Variants in TECPR2 observed in about 807,000 individuals in gnomAD.
TECPR2 encodes the protein tectonin beta-propeller repeat-containing protein 2.
In TECPR2, 65 loss-of-function variants were observed where a neutral mutation model predicts 138.1. The observed-to-expected ratio is 0.47, with a 90% confidence interval of 0.39 to 0.58. The LOEUF is 0.58. Among genes scored for constraint, TECPR2 ranks in the 20% least tolerant of loss-of-function variants. TECPR2 has a pLI of 0.00. For missense variants in TECPR2, 1,553 were observed against 1,824.5 expected, an observed-to-expected ratio of 0.85 and a Z score of 2.71; for synonymous variants, 746 against 749.8, an observed-to-expected ratio of 0.99 and a Z score of 0.08.
At position 102,376,928 on chromosome 14, in the gene TECPR2, G is replaced by A. The variant is rs1887655277; in HGVS notation, c.207G>A (p.Lys69=). The A allele has an allele frequency of 1.2e-6, 2 of 1,613,458 alleles. No homozygotes were observed. The highest frequency in any genetic ancestry group is 1.1e-5 in the South Asian group (1 of 90,994). ...LYCRHLNQMR[K]YNFEGKTESI... is the part of the protein sequence containing the mutation. Reference sequence around the variant, plus strand: ...GCCGGCACCTCAACCAGATGAGGAAGTACAACTTTGAGGTGAGCCTTGCTT... The same window carrying A: ...GCCGGCACCTCAACCAGATGAGGAAATACAACTTTGAGGTGAGCCTTGCTT... The change falls in exon 2 of 20, where the codon AAG becomes AAA. Residue 69 remains lysine (K), a synonymous_variant. Coordinates refer to ENST00000359520, the MANE Select transcript of TECPR2 (RefSeq NM_014844.5).
intron 5 of TECPR2, among the ~76,000 whole-genome samples, chr14:102,423,889 A>T (rs1889247226): frequency 2.0e-5 from 3 of 152,208 alleles, no homozygotes; most frequent in Non-Finnish European, 4.4e-5. Flanking sequence ...TTCATTCAGG[A>T]TGTGGACTGA....
At chr14:102,377,247 C>G (rs1467751462) in intron 2 of TECPR2, among the ~76,000 whole-genome samples, 1 of 152,176 alleles carries the variant, frequency 6.6e-6, no homozygotes, top group Non-Finnish European at 1.5e-5. Context: ...CCTCAAACTC[C>G]TGGGGTCAAG....
chr14:102,367,561 C>T (rs1366653999), intron 1 of TECPR2, among the ~76,000 whole-genome samples: 4 of 152,118 alleles, frequency 2.6e-5, no homozygotes, highest in Admixed American at 1.3e-4. Flanking sequence ...AGGATTCCTC[C>T]GTGTTGTAGC....
At chr14:102,437,753 T>TA (rs1595125696) in intron 9 of TECPR2, among the ~76,000 whole-genome samples, 1 of 152,134 alleles carries the variant, frequency 6.6e-6, no homozygotes, top group Admixed American at 6.5e-5. Context: ...CTCTAAGCGT[T>TA]ACATTTGCAA....
intron 2 of TECPR2, among the ~76,000 whole-genome samples, chr14:102,396,914 C>T (rs912296433): frequency 1.3e-5 from 2 of 152,172 alleles, no homozygotes; most frequent in African/African-American, 2.4e-5. Flanking sequence ...TGGCCATTGT[C>T]GTTACACCTC....
intron 17 of TECPR2, among the ~76,000 whole-genome samples, chr14:102,490,526 C>T (rs1054355222): frequency 2.0e-5 from 3 of 152,230 alleles, no homozygotes; most frequent in African/African-American, 4.8e-5. Flanking sequence ...GTTGAAACCT[C>T]GGTGTATTTT....
chr14:102,477,448 T>C (rs1308638534), intron 17 of TECPR2, among the ~76,000 whole-genome samples: 1 of 150,120 alleles, frequency 6.7e-6, no homozygotes, highest in Non-Finnish European at 1.5e-5. Context: ...AAAGGGGAGG[T>C]GTGGCAGTGG....
At chr14:102,380,801 C>T (rs184205396) in intron 2 of TECPR2, among the ~76,000 whole-genome samples, 141 of 152,286 alleles carry the variant, frequency 9.3e-4, no homozygotes, top group African/African-American at 3.4e-3. Flanking sequence ...GCCTCAGCCT[C>T]CCAAGTAGCT....
chr14:102,475,683 A>G (rs1192686016), intron 17 of TECPR2, among the ~76,000 whole-genome samples: 1 of 152,150 alleles, frequency 6.6e-6, no homozygotes, highest in Non-Finnish European at 1.5e-5. Context: ...AAAATATCCA[A>G]CATCAGCAAG....
At position 102,499,608 on chromosome 14, in the gene TECPR2, G is replaced by A. The variant is rs561559942; in HGVS notation, c.*1351G>A. 8 of 241,792 alleles carry A rather than the reference G, an allele frequency of 3.3e-5. No homozygotes were observed. The East Asian group carries it at 8.2e-4, about 25-fold the overall frequency. 15.0% of individuals were successfully genotyped at this position (241,792 alleles called of 1,614,324 possible). A position where few individuals can be genotyped will look rare whatever the true frequency, so the allele number is the denominator to read the frequency against. ...GGTTGAAACCAGTGCCTCTATGGAC[G>A]GCTGCTGTGGCCCCTTCAGACAATG... is the stretch of plus-strand genomic sequence containing the variant. On this transcript the variant is annotated 3_prime_UTR_variant, in exon 20 of 20. Coordinates refer to ENST00000359520, the MANE Select transcript of TECPR2 (RefSeq NM_014844.5).
chr14:102,498,421 C>A lies in TECPR2; in HGVS notation c.*164C>A. The A allele has an allele frequency of 2.2e-6, 2 of 921,494 alleles. No individual in the cohort carries two copies. The highest frequency in any genetic ancestry group is 3.2e-6 in the Non-Finnish European group (2 of 630,268). 57.1% of individuals were successfully genotyped at this position (921,494 alleles called of 1,614,324 possible). On this transcript the variant is annotated 3_prime_UTR_variant, in exon 20 of 20. Transcript: ENST00000359520. The stretch of plus-strand genomic sequence containing the variant: ...CATCTATGTTGGTTTCTGTCTCGTT[C>A]CAGAACCCACAGCCTCCACCCGTGG...
intron 2 of TECPR2, among the ~76,000 whole-genome samples, chr14:102,379,269 C>T (rs568348364): frequency 2.0e-5 from 3 of 151,726 alleles, no homozygotes; most frequent in Non-Finnish European, 1.5e-5. Context: ...TGCACAGAGG[C>T]GTCCTAGTCA....
At position 102,435,151 on chromosome 14, in the gene TECPR2, C is replaced by T; in HGVS notation, c.2334C>T (p.Cys778=). 1 of 1,613,274 alleles carries T rather than the reference C, an allele frequency of 6.2e-7. No individual in the cohort carries two copies. Among genetic ancestry groups the T allele is most frequent in the Non-Finnish European group, 8.5e-7 (1 of 1,180,032 alleles). The change falls in exon 9 of 20, where the codon TGC becomes TGT. Residue 778 remains cysteine (C), a synonymous_variant. Coordinates refer to ENST00000359520, the MANE Select transcript of TECPR2 (RefSeq NM_014844.5). ...GTGTGACAGAGCTCGGACCTAGTTG[C>T]TCCCAGCAGGACCTGAGCCGGCTGG... ...ETSVTELGPS[C]SQQDLSRLGA... is the part of the protein sequence containing the mutation.
At chr14:102,489,969 TCAGTGCCTCCACTAAA>T (rs1891119074) in intron 17 of TECPR2, among the ~76,000 whole-genome samples, 1 of 151,368 alleles carries the variant, frequency 6.6e-6, no homozygotes, top group Admixed American at 6.6e-5. Context: ...GGCACTTACA[TCAGTGCCTCCACTAAA>T]AATAAAGCAA....
intron 17 of TECPR2, 32 bp downstream of exon 17, chr14:102,465,321 T>G (rs1225593324): frequency 6.2e-7 from 1 of 1,609,840 alleles, no homozygotes; most frequent in South Asian, 1.1e-5. Flanking sequence ...GAACTCACTC[T>G]TCAGTAAGAC....
intron 4 of TECPR2, among the ~76,000 whole-genome samples, chr14:102,411,699 CAAAAAAAAAAAA>C (rs1173849759): frequency 3.2e-4 from 15 of 46,858 alleles, no homozygotes; most frequent in South Asian, 1.2e-3. Flanking sequence ...CCATGTTGCT[CAAAAAAAAAAAA>C]AAAAAAAAAA....
chr14:102,443,720 C>T lies in TECPR2; in HGVS notation c.2826C>T (p.Ala942=). The T allele has an allele frequency of 6.2e-7, 1 of 1,613,090 alleles. No homozygotes were observed. Among genetic ancestry groups the T allele is most frequent in the Non-Finnish European group, 8.5e-7 (1 of 1,179,280 alleles). The change falls in exon 12 of 20, where the codon GCC becomes GCT. Residue 942 remains alanine, a synonymous_variant. Coordinates refer to ENST00000359520, the MANE Select transcript of TECPR2 (RefSeq NM_014844.5). This position sits in a 1 kb window ranked among gnomAD's most constrained non-coding sequence, Gnocchi z 4.9. ...CCTACCCGCTGTCCCAGATCACAGC[C>T]CGGAACAATGTGGTGTGGGCGCTGA... ...DCPYPLSQIT[A]RNNVVWALTE...
Position 102,502,158 on chromosome 14 carries a change from C to CGCGCCAGCGTGAAGTTCCCGG in TECPR2, c.*3904_*3924dup, listed in dbSNP as rs2139808603. ...AGGAAGCGGAGGCGCAGGACCTCACCGCGCCAGCGTGAAGTTCCCGGGCAT... is the reference window on the plus strand; with the variant it reads ...AGGAAGCGGAGGCGCAGGACCTCACCGCGCCAGCGTGAAGTTCCCGGGCGCCAGCGTGAAGTTCCCGGGCAT... On this transcript the variant is annotated 3_prime_UTR_variant, in exon 20 of 20. Coordinates refer to ENST00000359520, the MANE Select transcript of TECPR2 (RefSeq NM_014844.5). The CGCGCCAGCGTGAAGTTCCCGG allele has an allele frequency of 6.6e-6, 1 of 151,738 alleles. No individual in the cohort carries two copies. Among genetic ancestry groups the CGCGCCAGCGTGAAGTTCCCGG allele is most frequent in the South Asian group, 2.1e-4 (1 of 4,804 alleles). The allele number at this position is 151,738 out of a possible 1,614,324, so 9.4% of individuals were successfully genotyped here.
intron 4 of TECPR2, 75 bp from the exon 5 acceptor site, chr14:102,414,561 C>T: frequency 6.4e-7 from 1 of 1,562,078 alleles, no homozygotes; most frequent in Non-Finnish European, 8.7e-7. Flanking sequence ...GCGGGAAGGA[C>T]ACTGACTTGT....
Sources: gnomAD v4.1 joint callset for allele counts (sites outside exome capture counted in the v4.1 genomes callset) on GRCh38, gnomAD v4.1.1 for gene constraint, Gnocchi (gnomAD v3.1) non-coding constraint, MANE v1.5 for transcripts, NCBI Gene and HGNC (gene_info 2026-07-23, HGNC 2026-07-21) for gene names.